The following CUEDC1 variants were observed in gnomAD, a reference collection of about 807,000 sequenced individuals.
The protein encoded by CUEDC1 is CUE domain-containing protein 1.
In CUEDC1, 30 loss-of-function variants were observed where a neutral mutation model predicts 43.7. That is an observed-to-expected ratio of 0.69 (90% CI 0.51 to 0.93). The LOEUF is 0.93. Ranked by LOEUF, CUEDC1 falls within the 40% of genes least tolerant of loss-of-function variation. The probability of loss-of-function intolerance (pLI) is 0.00; values close to 1 mark genes in which losing one functional copy is unlikely to be tolerated. For missense variants in CUEDC1, 486 were observed against 549.0 expected (o/e 0.89, Z 1.15); for synonymous variants, 223 against 223.6 (o/e 1.00, Z 0.02).
At chr17:57,913,576 G>C (rs187937086) in intron 1 of CUEDC1, among the ~76,000 whole-genome samples, 1 of 152,182 alleles carries the variant, frequency 6.6e-6, no homozygotes, top group Non-Finnish European at 1.5e-5. Context: ...AAAGAGGAGT[G>C]CAGGGAGGAG....
At chr17:57,873,397 ACAGGAAACCTC>A (rs2074063531) in intron 4 of CUEDC1, among the ~76,000 whole-genome samples, 183 bp downstream of exon 4, 1 of 152,186 alleles carries the variant, frequency 6.6e-6, no homozygotes, top group African/African-American at 2.4e-5. Context: ...CCTGGATAGA[ACAGGAAACCTC>A]CAGGCCCAGG....
chr17:57,879,613 G>T lies in CUEDC1; in HGVS notation c.462C>A (p.Pro154=). 3.1e-6 allele frequency: 5 copies of T among 1,590,012 alleles called. No individual in the cohort carries two copies. The highest frequency in any genetic ancestry group is 2.3e-5 in the South Asian group (2 of 87,228). The change falls in exon 3 of 11, where the codon CCC becomes CCA. Residue 154 remains proline, a splice_region_variant and synonymous_variant. Coordinates refer to ENST00000577830, the MANE Select transcript of CUEDC1 (RefSeq NM_001271875.2). Reference sequence around the variant, plus strand: ...TCTGAGACATGACAGATTCTCACCGGGGAGGCGGAGTCGGGGGAGCCAGAG... The same window carrying T: ...TCTGAGACATGACAGATTCTCACCGTGGAGGCGGAGTCGGGGGAGCCAGAG... ...PYPLAPPTPP[P]RIDALGSGAP...
rs376421797 is a variant in CUEDC1 at position 57,867,346 on chromosome 17, T to C, written c.1093+11A>G. ...GAGAAGTTGGAGCTTACGACTCCCC[T>C]CCAGCCTCACCACACGCGTGGCCCT... is the stretch of plus-strand genomic sequence containing the variant. On this transcript the variant is annotated intron_variant, in intron 9 of 10. Coordinates refer to ENST00000577830, the MANE Select transcript of CUEDC1 (RefSeq NM_001271875.2). 9.1e-4 allele frequency: 1,417 copies of C among 1,551,628 alleles called. 19 individuals are homozygous for C. The South Asian group carries it at 0.016, about 17-fold the overall frequency.
chr17:57,929,824 G>T (rs573732277), intron 1 of CUEDC1, among the ~76,000 whole-genome samples: 3 of 151,980 alleles, frequency 2.0e-5, no homozygotes, highest in Admixed American at 1.3e-4. Flanking sequence ...TTTTTGAGAC[G>T]GAGTTTCGCT....
At chr17:57,947,477 T>C (rs1478809972) in intron 1 of CUEDC1, among the ~76,000 whole-genome samples, 1 of 152,176 alleles carries the variant, frequency 6.6e-6, no homozygotes, top group Admixed American at 6.5e-5. Flanking sequence ...TACATGTTTT[T>C]CGTAAATTTG....
chr17:57,908,911 C>T (rs1007823642), intron 1 of CUEDC1, among the ~76,000 whole-genome samples: 6 of 152,044 alleles, frequency 3.9e-5, no homozygotes, highest in South Asian at 2.1e-4. Context: ...GCAGGAGAAT[C>T]GCTTGAACCC....
intron 1 of CUEDC1, among the ~76,000 whole-genome samples, chr17:57,938,873 G>T (rs1365038011): frequency 6.6e-6 from 1 of 151,118 alleles, no homozygotes; most frequent in Non-Finnish European, 1.5e-5. Context: ...TGTTGGTCAG[G>T]CTGGTCTCGA....
chr17:57,900,899 G>A (rs941016627), intron 1 of CUEDC1, among the ~76,000 whole-genome samples: 6 of 152,210 alleles, frequency 3.9e-5, no homozygotes, highest in Non-Finnish European at 7.3e-5. Flanking sequence ...GAAGTCAAAT[G>A]TTCTTTGCAC....
At chr17:57,896,140 C>A (rs934231142) in intron 1 of CUEDC1, among the ~76,000 whole-genome samples, 2 of 152,206 alleles carry the variant, frequency 1.3e-5, no homozygotes, top group African/African-American at 4.8e-5. Context: ...CCAACCCCTG[C>A]CCTTGCCCTC....
At chr17:57,869,312 A>G (rs767809396) in intron 6 of CUEDC1, 119 bp from the exon 7 acceptor site, 2 of 845,300 alleles carry the variant, frequency 2.4e-6, no homozygotes, top group South Asian at 3.0e-5. Context: ...CCTGGCCAGA[A>G]GGGAGTTTAA....
chr17:57,872,940 G>A (rs1487589270), intron 4 of CUEDC1, 85 bp from the exon 5 acceptor site: 9 of 1,274,906 alleles, frequency 7.1e-6, no homozygotes, highest in Admixed American at 2.3e-5. Context: ...TTGCACACAT[G>A]CCCTGTCCAA....
At chr17:57,924,239 G>A (rs1176045045) in intron 1 of CUEDC1, among the ~76,000 whole-genome samples, 1 of 152,172 alleles carries the variant, frequency 6.6e-6, no homozygotes, top group Non-Finnish European at 1.5e-5. Context: ...CCAAGTAGCT[G>A]GGACTACGGG....
At chr17:57,926,132 C>T (rs566282999) in intron 1 of CUEDC1, among the ~76,000 whole-genome samples, 47 of 152,296 alleles carry the variant, frequency 3.1e-4, no homozygotes, top group Middle Eastern at 3.4e-3. Flanking sequence ...GAAAAAGTGA[C>T]GTATTCATCC....
At chr17:57,883,706 G>A (rs1267202213) in intron 2 of CUEDC1, among the ~76,000 whole-genome samples, 1 of 152,078 alleles carries the variant, frequency 6.6e-6, no homozygotes, top group African/African-American at 2.4e-5. Context: ...CTGGGCGACA[G>A]AGCAAGACTC....
At chr17:57,866,348 T>A in intron 10 of CUEDC1, 126 bp downstream of exon 10, 1 of 726,982 alleles carries the variant, frequency 1.4e-6, no homozygotes, top group Non-Finnish European at 2.3e-6. Flanking sequence ...GGAAGACACG[T>A]GGGGCCTGTG....
chr17:57,861,520 G>A lies in CUEDC1; in HGVS notation c.*1769C>T, dbSNP rs1446047478. On this transcript the variant is annotated 3_prime_UTR_variant, in exon 11 of 11. Coordinates refer to ENST00000577830, the MANE Select transcript of CUEDC1 (RefSeq NM_001271875.2). ...CCTAGGGATGCGACGCGGGGCTCCT[G>A]GGGACAAACCCTGCCCCAGGCCGGG... 1 of 152,400 alleles carries A rather than the reference G, an allele frequency of 6.6e-6. No individual in the cohort carries two copies. Among genetic ancestry groups the A allele is most frequent in the Non-Finnish European group, 1.5e-5 (1 of 68,200 alleles). The allele number at this position is 152,400 out of a possible 1,614,324, so 9.4% of individuals were successfully genotyped here.
intron 1 of CUEDC1, among the ~76,000 whole-genome samples, chr17:57,951,095 G>A (rs2075002574): frequency 7.1e-6 from 1 of 140,380 alleles, no homozygotes; most frequent in African/African-American, 2.7e-5. Flanking sequence ...TCATTCAAGA[G>A]CCTCACCCCA....
At chr17:57,935,971 T>A (rs576142537) in intron 1 of CUEDC1, among the ~76,000 whole-genome samples, 4 of 152,334 alleles carry the variant, frequency 2.6e-5, no homozygotes, top group African/African-American at 9.6e-5. Context: ...CCACCTCCGC[T>A]GTTGCTGTCC....
intron 1 of CUEDC1, among the ~76,000 whole-genome samples, chr17:57,902,163 C>T (rs759440662): frequency 6.6e-6 from 1 of 151,688 alleles, no homozygotes; most frequent in Non-Finnish European, 1.5e-5. Flanking sequence ...TGCACTCCAG[C>T]CTGGAAGACA....
Sources: allele counts gnomAD v4.1 joint callset (sites outside exome capture counted in the v4.1 genomes callset), GRCh38; gene constraint gnomAD v4.1.1; transcripts MANE v1.5; gene names NCBI Gene and HGNC (gene_info 2026-07-23, HGNC 2026-07-21).